TSHR: variants seen among roughly 807,000 people sequenced by gnomAD.
The protein encoded by TSHR is thyrotropin receptor.
TSHR carries 51 observed loss-of-function variants against 64.1 expected under a neutral mutation model. The ratio of observed to expected loss-of-function variants is 0.80; its 90% CI spans 0.64 to 1.01. The LOEUF is 1.01. Ranked by LOEUF, TSHR falls within the 50% of genes least tolerant of loss-of-function variation. The probability of loss-of-function intolerance (pLI) is 0.00; values close to 1 mark genes in which losing one functional copy is unlikely to be tolerated. For missense variants in TSHR, 877 were observed against 942.8 expected (o/e 0.93, Z 0.91); for synonymous variants, 361 against 361.9 (o/e 1.00, Z 0.03).
At chr14:80,986,992 T>A (rs1352326962) in intron 1 of TSHR, among the ~76,000 whole-genome samples, 1 of 152,236 alleles carries the variant, frequency 6.6e-6, no homozygotes, top group Non-Finnish European at 1.5e-5. Flanking sequence ...ATTTTCAGTA[T>A]CTTTTAAGAA....
chr14:81,098,971 A>G (rs1263815466), intron 7 of TSHR, among the ~76,000 whole-genome samples: 1 of 152,206 alleles, frequency 6.6e-6, no homozygotes, highest in Non-Finnish European at 1.5e-5. Context: ...AGTCATTGGA[A>G]GATATGACCC....
chr14:81,032,414 A>G lies in TSHR; in HGVS notation c.171-29734A>G, dbSNP rs76817376. 1,203 of 261,516 alleles carry G rather than the reference A, an allele frequency of 4.6e-3. 9 individuals carry two copies. The highest frequency in any genetic ancestry group is 6.1e-3 in the Non-Finnish European group (803 of 131,152). 16.2% of individuals were successfully genotyped at this position (261,516 alleles called of 1,614,324 possible). A position where few individuals can be genotyped will look rare whatever the true frequency, so the allele number is the denominator to read the frequency against. On this transcript the variant is annotated intron_variant, in intron 1 of 9. Transcript: ENST00000298171. ...GAAGACTGTTGACACACTGGTCAAA[A>G]TGGTTCCAATCGCCTACCTTGCAAG... is the stretch of plus-strand genomic sequence containing the variant.
chr14:81,071,655 G>T (rs1464904266), intron 3 of TSHR, among the ~76,000 whole-genome samples: 1 of 152,116 alleles, frequency 6.6e-6, no homozygotes, highest in Admixed American at 6.5e-5. Context: ...CAGCTACATG[G>T]GAGGCTGAGG....
intron 8 of TSHR, among the ~76,000 whole-genome samples, chr14:81,125,340 G>C (rs1595154211): frequency 6.6e-6 from 1 of 152,188 alleles, no homozygotes; most frequent in African/African-American, 2.4e-5. Flanking sequence ...TCAGGCAAAA[G>C]GATAGTGTTG....
In TSHR at chr14:81,016,136, G is replaced by A. The variant is rs570226347; in HGVS notation, c.171-46012G>A. 6.6e-5 allele frequency among the ~76,000 whole-genome samples: 10 copies of A among 152,202 alleles called. No homozygotes were observed. The East Asian group carries it at 1.9e-3, about 29-fold the overall frequency. Reference sequence around the variant, plus strand: ...ACTGATTTCATTTCTTTGAATATATGCCCATAAGAGGGATTGCTGAATCAT... The same window carrying A: ...ACTGATTTCATTTCTTTGAATATATACCCATAAGAGGGATTGCTGAATCAT... On this transcript the variant is annotated intron_variant, in intron 1 of 9. Transcript: ENST00000298171.
intron 6 of TSHR, among the ~76,000 whole-genome samples, chr14:81,094,047 A>AG (rs1888969000): frequency 6.6e-6 from 1 of 152,184 alleles, no homozygotes; most frequent in African/African-American, 2.4e-5. Flanking sequence ...CATCTGAGTG[A>AG]GGGAAGCCCA....
chr14:81,146,044 A>G lies in TSHR; in HGVS notation c.*1691A>G. On this transcript the variant is annotated 3_prime_UTR_variant, in exon 10 of 10. Coordinates refer to ENST00000298171, the MANE Select transcript of TSHR (RefSeq NM_000369.5). ...GAGACCTGCACATCTTAATAGAAAT[A>G]TTATAAACATCGAAAATCATGACTT... 4.3e-6 allele frequency: 1 copy of G among 231,392 alleles called. No homozygotes were observed. Among genetic ancestry groups the G allele is most frequent in the East Asian group, 6.1e-5 (1 of 16,316 alleles). The allele number at this position is 231,392 out of a possible 1,614,324, so 14.3% of individuals were successfully genotyped here. A position where few individuals can be genotyped will look rare whatever the true frequency, so the allele number is the denominator to read the frequency against.
intron 1 of TSHR, among the ~76,000 whole-genome samples, chr14:80,980,013 G>A (rs1447438044): frequency 1.3e-5 from 2 of 152,056 alleles, no homozygotes; most frequent in Non-Finnish European, 2.9e-5. Flanking sequence ...TGAAGTCCCC[G>A]TGATCTGGCC....
At chr14:81,093,267 C>T (rs1888897873) in intron 6 of TSHR, among the ~76,000 whole-genome samples, 2 of 152,214 alleles carry the variant, frequency 1.3e-5, no homozygotes, top group Admixed American at 1.3e-4. Flanking sequence ...TGAATGGGGG[C>T]AAAGCCCTTT....
At chr14:81,019,405 G>A (rs4617779) in intron 1 of TSHR, among the ~76,000 whole-genome samples, 1,734 of 147,922 alleles carry the variant, frequency 0.012, 21 homozygotes, top group African/African-American at 0.015. Flanking sequence ...ATATAAGCAA[G>A]ATTGAACAGG....
intron 1 of TSHR, among the ~76,000 whole-genome samples, chr14:81,027,526 T>C (rs1884131715): frequency 6.6e-6 from 1 of 152,110 alleles, no homozygotes; most frequent in Admixed American, 6.5e-5. Context: ...TTCAAATTTC[T>C]CTCCATTCAG....
chr14:81,019,333 C>CAAAA (rs3038181), intron 1 of TSHR, among the ~76,000 whole-genome samples: 228 of 115,802 alleles, frequency 2.0e-3, no homozygotes, highest in Middle Eastern at 0.018. Context: ...GACTTTATCT[C>CAAAA]AAAAAAAAAA....
chr14:81,002,029 A>G (rs1419599464), intron 1 of TSHR, among the ~76,000 whole-genome samples: 1 of 152,204 alleles, frequency 6.6e-6, no homozygotes, highest in Non-Finnish European at 1.5e-5. Flanking sequence ...GTTTTTGGCA[A>G]CCTACATTGC....
chr14:80,973,238 T>C (rs1887668765), intron 1 of TSHR, among the ~76,000 whole-genome samples: 1 of 151,568 alleles, frequency 6.6e-6, no homozygotes, highest in South Asian at 2.1e-4. Flanking sequence ...ACCCCGTCTC[T>C]ACTAAAAATA....
intron 8 of TSHR, among the ~76,000 whole-genome samples, chr14:81,113,770 C>A (rs1262609177): frequency 6.6e-6 from 1 of 152,128 alleles, no homozygotes; most frequent in Non-Finnish European, 1.5e-5. Flanking sequence ...ATTCAAATCA[C>A]AAAATCTAGG....
intron 1 of TSHR, among the ~76,000 whole-genome samples, chr14:81,038,696 A>G (rs1475634199): frequency 1.3e-5 from 2 of 150,104 alleles, no homozygotes; most frequent in Non-Finnish European, 3.0e-5. Context: ...AGAGACAATT[A>G]TGTTGTGCAC....
chr14:80,979,765 T>C (rs1888074648), intron 1 of TSHR, among the ~76,000 whole-genome samples: 1 of 152,244 alleles, frequency 6.6e-6, no homozygotes. Flanking sequence ...AAATCCATTA[T>C]TAATTATTAC....
intron 1 of TSHR, among the ~76,000 whole-genome samples, chr14:81,004,573 A>G (rs1889496324): frequency 6.6e-6 from 1 of 152,120 alleles, no homozygotes; most frequent in African/African-American, 2.4e-5. Context: ...ATCTGTAGCA[A>G]TGTATACAAA....
At chr14:80,988,331 AACTT>A (rs1888572097) in intron 1 of TSHR, among the ~76,000 whole-genome samples, 1 of 152,164 alleles carries the variant, frequency 6.6e-6, no homozygotes, top group African/African-American at 2.4e-5. Flanking sequence ...AGCCTCAGGA[AACTT>A]ACAATTATGG....
Sources: gnomAD v4.1 joint callset for allele counts (sites outside exome capture counted in the v4.1 genomes callset) on GRCh38, gnomAD v4.1.1 for gene constraint, MANE v1.5 for transcripts, NCBI Gene and HGNC (gene_info 2026-07-23, HGNC 2026-07-21) for gene names.